PCDH15: variants seen among roughly 807,000 people sequenced by gnomAD.
The protein encoded by PCDH15 is protocadherin-15.
A neutral mutation model predicts 178.5 loss-of-function variants in PCDH15; 129 were observed. The ratio of observed to expected loss-of-function variants is 0.72; its 90% CI spans 0.63 to 0.84. The LOEUF (loss-of-function observed/expected upper bound fraction) is 0.84. PCDH15 is among the 40% of genes least tolerant of loss of function. PCDH15 has a pLI of 0.00. For synonymous variants in PCDH15, 800 were observed against 732.0 expected, an observed-to-expected ratio of 1.09 and a Z score of -1.50; for missense variants, 2,230 against 2,099.9, an observed-to-expected ratio of 1.06 and a Z score of -1.21.
At chr10:54,355,120 C>CAAAAA (rs770404490) in intron 5 of PCDH15, among the ~76,000 whole-genome samples, 10 of 69,824 alleles carry the variant, frequency 1.4e-4, no homozygotes, top group East Asian at 1.4e-3. Context: ...AGGAGGATTG[C>CAAAAA]AAAAAAAAAA....
intron 23 of PCDH15, among the ~76,000 whole-genome samples, chr10:53,943,875 AT>A (rs2086293866): frequency 6.6e-6 from 1 of 152,054 alleles, no homozygotes; most frequent in African/African-American, 2.4e-5. Flanking sequence ...ATTATTTTCT[AT>A]TTTTTGGCAG....
chr10:55,129,480 C>G lies in PCDH15; in HGVS notation c.-80+37096G>C, dbSNP rs115897932. Among the ~76,000 whole-genome samples the G allele has an allele frequency of 4.0e-3, 615 of 152,202 alleles. 8 individuals carry two copies. Among genetic ancestry groups the G allele is most frequent in the African/African-American group, 0.014 (578 of 41,554 alleles). On this transcript the variant is annotated intron_variant, in intron 2 of 5. Transcript: ENST00000458638. ...CTTTAAAACCTAAGTTTCCTCTCATCTCTCTTAATAAAATGCAAATTAACA... is the reference window on the plus strand; with the variant it reads ...CTTTAAAACCTAAGTTTCCTCTCATGTCTCTTAATAAAATGCAAATTAACA...
rs140513824 is a variant in PCDH15 at position 54,169,753 on chromosome 10, C to G, written c.1590+13691G>C. ...CCCACTCAACGCCGACATCCCATCCCGCAGCACGCTTTAAAAAGATTAAAG... is the reference window on the plus strand; with the variant it reads ...CCCACTCAACGCCGACATCCCATCCGGCAGCACGCTTTAAAAAGATTAAAG... On this transcript the variant is annotated intron_variant, in intron 13 of 37. Transcript: ENST00000644397. Among the ~76,000 whole-genome samples the G allele has an allele frequency of 7.2e-3, 1,090 of 152,116 alleles. 20 individuals carry two copies. Among genetic ancestry groups the G allele is most frequent in the African/African-American group, 0.025 (1,035 of 41,438 alleles).
At chr10:54,802,258 A>G (rs1218728561), upstream of PCDH15, among the ~76,000 whole-genome samples, 1 of 152,230 alleles carries the variant, frequency 6.6e-6, no homozygotes, top group African/African-American at 2.4e-5. Context: ...ATGCACAAGC[A>G]TTTGCAGAAA....
Position 55,016,044 on chromosome 10 carries a change from C to G in PCDH15, c.-79-118544G>C, listed in dbSNP as rs1840166906. On this transcript the variant is annotated intron_variant, in intron 2 of 5. Coordinates refer to the PCDH15 transcript ENST00000458638. ...ACAAGGTTCCTTAAAAAGTTCTCAG[C>G]AGGCTTGAGTTGTAATTGACCAAAT... is the stretch of plus-strand genomic sequence containing the variant. Among the ~76,000 whole-genome samples, 3 of 145,582 alleles carry G rather than the reference C, an allele frequency of 2.1e-5. No homozygotes were observed. In the South Asian group the frequency reaches 6.6e-4, roughly 32 times the overall value.
intron 2 of PCDH15, among the ~76,000 whole-genome samples, chr10:55,424,714 A>G (rs1441928332): frequency 6.6e-6 from 1 of 152,098 alleles, no homozygotes; most frequent in Non-Finnish European, 1.5e-5. Context: ...ATCTTATATG[A>G]GAAAAAATGC....
Position 54,582,133 on chromosome 10 carries a change from G to T in PCDH15, c.92-54256C>A, listed in dbSNP as rs192078201. On this transcript the variant is annotated intron_variant, in intron 2 of 37. Coordinates refer to ENST00000644397, the MANE Select transcript of PCDH15 (RefSeq NM_001384140.1). ...TAAAAAAATTTTAAAAAGATCAACA[G>T]AGTAAATAGATAACCTGCAGAATGG... Among the ~76,000 whole-genome samples, 51 of 152,098 alleles carry T rather than the reference G, an allele frequency of 3.4e-4. No individual in the cohort carries two copies. The East Asian group carries it at 6.2e-3, about 18-fold the overall frequency.
intron 12 of PCDH15, 147 bp from the exon 13 acceptor site, chr10:54,183,740 A>G: frequency 1.2e-6 from 1 of 852,386 alleles, no homozygotes; most frequent in Admixed American, 2.0e-5. Flanking sequence ...AGGACGTAAT[A>G]GAGACGTAAT....
rs190803108 is a variant in PCDH15, at chr10:55,280,664, T to C, written c.-156+38935A>G. On this transcript the variant is annotated intron_variant, in intron 1 of 5. Transcript: ENST00000458638. The stretch of plus-strand genomic sequence containing the variant: ...GTTGATTATATCTTTATCACAGTAA[T>C]GATGATGTTCTATTTTTACTGAATA... 3.0e-3 allele frequency among the ~76,000 whole-genome samples: 450 copies of C among 152,092 alleles called. 1 individual carries two copies. Among genetic ancestry groups the C allele is most frequent in the African/African-American group, 0.01 (425 of 41,468 alleles).
At chr10:54,965,544 G>A (rs1002714760) in intron 2 of PCDH15, among the ~76,000 whole-genome samples, 12 of 151,070 alleles carry the variant, frequency 7.9e-5, no homozygotes, top group African/African-American at 2.9e-4. Context: ...CAGTCTTAGT[G>A]GTTTCTTCAT....
rs1303639959 is a variant in PCDH15 at position 55,463,605 on chromosome 10, G to C, written c.-156+164020C>G. 2.0e-5 allele frequency among the ~76,000 whole-genome samples: 3 copies of C among 152,074 alleles called. No homozygotes were observed. In the East Asian group the frequency reaches 5.8e-4, roughly 29 times the overall value. The stretch of plus-strand genomic sequence containing the variant: ...GTCCAGTAGGTGCAGGCTGCAGTGA[G>C]CCATGATCACGCCACTGCCCAATGT... On this transcript the variant is annotated intron_variant, in intron 2 of 5. Transcript: ENST00000613346.
Position 54,100,395 on chromosome 10 carries a change from T to C in PCDH15, c.1918-10332A>G, listed in dbSNP as rs545876455. On this transcript the variant is annotated intron_variant, in intron 15 of 37. Coordinates refer to ENST00000644397, the MANE Select transcript of PCDH15 (RefSeq NM_001384140.1). Reference sequence around the variant, plus strand: ...AAAAAAAAAGTATTGCTCAATAAATTAATTTAATAGTTAAAATCTTAGGCT... The same window carrying C: ...AAAAAAAAAGTATTGCTCAATAAATCAATTTAATAGTTAAAATCTTAGGCT... Among the ~76,000 whole-genome samples, 7 of 152,058 alleles carry C rather than the reference T, an allele frequency of 4.6e-5. No homozygotes were observed. In the South Asian group the frequency reaches 1.5e-3, roughly 32 times the overall value.
chr10:55,082,307 C>G (rs1428369131), intron 2 of PCDH15, among the ~76,000 whole-genome samples: 1 of 151,688 alleles, frequency 6.6e-6, no homozygotes, highest in East Asian at 1.9e-4. Context: ...ACATTATGTT[C>G]CCAAAGGATC....
chr10:55,475,471 T>C (rs550065540), intron 2 of PCDH15, among the ~76,000 whole-genome samples: 1 of 152,276 alleles, frequency 6.6e-6, no homozygotes, highest in East Asian at 1.9e-4. Context: ...TTGTTAAAAA[T>C]GTATACAGGT....
intron 1 of PCDH15, among the ~76,000 whole-genome samples, chr10:55,178,991 T>C (rs1387042540): frequency 6.6e-6 from 1 of 152,186 alleles, no homozygotes; most frequent in Non-Finnish European, 1.5e-5. Flanking sequence ...ATTTTACTTC[T>C]TATTTCTGTT....
intron 1 of PCDH15, among the ~76,000 whole-genome samples, chr10:55,240,140 A>C (rs1347289270): frequency 6.6e-6 from 1 of 152,184 alleles, no homozygotes; most frequent in Non-Finnish European, 1.5e-5. Flanking sequence ...AAAACTAAAA[A>C]TAGAACTACC....
intron 3 of PCDH15, among the ~76,000 whole-genome samples, chr10:54,490,416 C>T (rs190628771): frequency 5.2e-4 from 79 of 151,884 alleles, no homozygotes; most frequent in African/African-American, 1.8e-3. Flanking sequence ...CGCCACTGCA[C>T]TCCAGCCTGG....
At chr10:53,990,577 T>C (rs1359566844) in intron 21 of PCDH15, among the ~76,000 whole-genome samples, 1 of 149,500 alleles carries the variant, frequency 6.7e-6, no homozygotes, top group East Asian at 1.9e-4. Flanking sequence ...TTTCTCACAA[T>C]GTTATATATA....
chr10:54,916,473 A>C (rs1232536590), intron 2 of PCDH15, among the ~76,000 whole-genome samples: 1 of 152,208 alleles, frequency 6.6e-6, no homozygotes, highest in Non-Finnish European at 1.5e-5. Context: ...CTGAATAGCC[A>C]CATCTATCAA....
Sources: gnomAD v4.1 joint callset for allele counts (sites outside exome capture counted in the v4.1 genomes callset) on GRCh38, gnomAD v4.1.1 for gene constraint, MANE v1.5 for transcripts, NCBI Gene and HGNC (gene_info 2026-07-23, HGNC 2026-07-21) for gene names.